MARCHF1: variants seen among roughly 807,000 people sequenced by gnomAD.
The protein encoded by MARCHF1 is membrane associated ring-CH-type finger 1.
In MARCHF1, 40 loss-of-function variants were observed where a neutral mutation model predicts 54.2. That is an observed-to-expected ratio of 0.74 (90% CI 0.57 to 0.96). The LOEUF is 0.96. Ranked by LOEUF, MARCHF1 falls within the 40% of genes least tolerant of loss-of-function variation. MARCHF1 has a pLI of 0.00. For missense variants in MARCHF1, 586 were observed against 656.5 expected (o/e 0.89, Z 1.17); for synonymous variants, 236 against 236.3 (o/e 1.00, Z 0.01).
chr4:164,339,733 TA>T, intron 1 of MARCHF1, among the ~76,000 whole-genome samples: 1 of 151,780 alleles, frequency 6.6e-6, no homozygotes, highest in East Asian at 1.9e-4. Flanking sequence ...AGAAGAGAAA[TA>T]AATAGACACT....
chr4:163,926,982 G>A (rs1325557631), intron 3 of MARCHF1, among the ~76,000 whole-genome samples: 1 of 151,580 alleles, frequency 6.6e-6, no homozygotes, highest in Non-Finnish European at 1.5e-5. Flanking sequence ...TTATTATTTT[G>A]TGGTATAACC....
chr4:164,104,640 C>T (rs1423131772), intron 2 of MARCHF1, among the ~76,000 whole-genome samples: 1 of 18,452 alleles, frequency 5.4e-5, no homozygotes, highest in African/African-American at 1.2e-4. Context: ...CTATCTATGA[C>T]AAACCCACAG....
At chr4:164,016,615 C>G (rs1381926105) in intron 2 of MARCHF1, among the ~76,000 whole-genome samples, 1 of 152,010 alleles carries the variant, frequency 6.6e-6, no homozygotes, top group Non-Finnish European at 1.5e-5. Flanking sequence ...AAAAATAACT[C>G]ATGGAGATAA....
intron 4 of MARCHF1, among the ~76,000 whole-genome samples, chr4:163,750,774 A>G (rs1364946027): frequency 3.3e-5 from 5 of 152,108 alleles, no homozygotes; most frequent in African/African-American, 1.2e-4. Flanking sequence ...CAAAGGAGCA[A>G]AATTATAAAC....
intron 4 of MARCHF1, among the ~76,000 whole-genome samples, chr4:163,807,185 TAA>T (rs1381000625): frequency 6.6e-6 from 1 of 152,168 alleles, no homozygotes; most frequent in Non-Finnish European, 1.5e-5. Flanking sequence ...TCTCCAGTAG[TAA>T]AATGGGTCAA....
At chr4:164,166,932 TGAAA>T (rs1043066761) in intron 1 of MARCHF1, among the ~76,000 whole-genome samples, 4 of 151,564 alleles carry the variant, frequency 2.6e-5, no homozygotes, top group African/African-American at 7.2e-5. Flanking sequence ...GTCAAAAATG[TGAAA>T]GATTTATAAA....
chr4:164,061,841 T>C (rs547269698), intron 2 of MARCHF1, among the ~76,000 whole-genome samples: 67 of 152,198 alleles, frequency 4.4e-4, no homozygotes, highest in Non-Finnish European at 9.3e-4. Flanking sequence ...TGGTGGACAA[T>C]CTATCCCTGA....
At chr4:164,347,372 T>C (rs1211372607) in intron 1 of MARCHF1, among the ~76,000 whole-genome samples, 1 of 152,196 alleles carries the variant, frequency 6.6e-6, no homozygotes, top group Non-Finnish European at 1.5e-5. Context: ...AGGTAAATTC[T>C]TTTCTTTGCC....
At chr4:163,931,725 T>C (rs1159721157) in intron 3 of MARCHF1, among the ~76,000 whole-genome samples, 8 of 152,182 alleles carry the variant, frequency 5.3e-5, no homozygotes, top group Non-Finnish European at 1.5e-5. Context: ...ATCCAATCAG[T>C]TGAAGGCTTA....
chr4:164,381,385 C>T (rs1399975992), intron 1 of MARCHF1, among the ~76,000 whole-genome samples: 6 of 152,124 alleles, frequency 3.9e-5, no homozygotes, highest in Non-Finnish European at 5.9e-5. Context: ...CTTATACTTT[C>T]TGAGAAATTT....
rs1213926331 is a variant in MARCHF1 at position 164,228,782 on chromosome 4, C to T, written c.-322-117120G>A. ...ATGGGTGAAAATCTATTGGCTTTCT[C>T]GATAAGAGAAAACAAACAAATGTTT... On this transcript the variant is annotated intron_variant, in intron 1 of 9. Transcript: ENST00000514618. Among the ~76,000 whole-genome samples, 5 of 152,126 alleles carry T rather than the reference C, an allele frequency of 3.3e-5. No individual in the cohort carries two copies. In the East Asian group the frequency reaches 5.8e-4, roughly 18 times the overall value.
chr4:164,114,149 C>T (rs1288979502), intron 1 of MARCHF1, among the ~76,000 whole-genome samples: 1 of 151,762 alleles, frequency 6.6e-6, no homozygotes, highest in Non-Finnish European at 1.5e-5. Flanking sequence ...TCAAAACATA[C>T]GTTTATCTAC....
In MARCHF1 at chr4:163,846,110, T is replaced by C. The variant is rs565231765; in HGVS notation, c.111+7911A>G. 2.6e-5 allele frequency among the ~76,000 whole-genome samples: 4 copies of C among 152,340 alleles called. No homozygotes were observed. The East Asian group carries it at 7.7e-4, about 29-fold the overall frequency. ...ACCTTTGGCAGTACTTAGTAAAGGC[T>C]TTGTAATAGCAATTGGAAACAATAA... is the stretch of plus-strand genomic sequence containing the variant. On this transcript the variant is annotated intron_variant, in intron 4 of 9. Transcript: ENST00000514618.
intron 1 of MARCHF1, among the ~76,000 whole-genome samples, chr4:164,199,681 C>CACAGAGAGAGAGAGAGAG (rs1462208986): frequency 1.3e-4 from 6 of 47,640 alleles, no homozygotes; most frequent in African/African-American, 3.4e-4. Context: ...CACACACACA[C>CACAGAGAGAGAGAGAGAG]AGAGAGAGAG....
chr4:164,025,512 G>A (rs1407331103), intron 2 of MARCHF1, among the ~76,000 whole-genome samples: 1 of 151,820 alleles, frequency 6.6e-6, no homozygotes, highest in African/African-American at 2.4e-5. Flanking sequence ...CAAAATTAAG[G>A]CCAAAAAATT....
chr4:164,150,766 T>C (rs1277981518), intron 1 of MARCHF1, among the ~76,000 whole-genome samples: 2 of 152,238 alleles, frequency 1.3e-5, no homozygotes, highest in African/African-American at 4.8e-5. Context: ...AAAATATATC[T>C]GTAGACAAAT....
At chr4:163,618,504 A>G (rs1159392978) in intron 5 of MARCHF1, among the ~76,000 whole-genome samples, 4 of 152,084 alleles carry the variant, frequency 2.6e-5, no homozygotes, top group African/African-American at 4.8e-5. Context: ...CCCTATCTCA[A>G]TAGCTTCTTA....
At chr4:163,849,210 G>C (rs565734110) in intron 4 of MARCHF1, among the ~76,000 whole-genome samples, 1 of 152,154 alleles carries the variant, frequency 6.6e-6, no homozygotes, top group African/African-American at 2.4e-5. Context: ...AGTCACCTTG[G>C]ACAGGTTTTT....
intron 3 of MARCHF1, among the ~76,000 whole-genome samples, chr4:163,904,357 CTG>C (rs1459196124): frequency 1.3e-5 from 2 of 152,264 alleles, no homozygotes; most frequent in East Asian, 3.9e-4. Context: ...CTGAGAGTAA[CTG>C]TTATACTGGG....
Sources: gnomAD v4.1 joint callset for allele counts (sites outside exome capture counted in the v4.1 genomes callset) on GRCh38, gnomAD v4.1.1 for gene constraint, MANE v1.5 for transcripts, NCBI Gene and HGNC (gene_info 2026-07-23, HGNC 2026-07-21) for gene names.